The following CACNA1C variants were observed in gnomAD, a reference collection of about 807,000 sequenced individuals.
CACNA1C encodes the protein calcium voltage-gated channel subunit alpha1 C, also known as voltage-dependent L-type calcium channel subunit alpha-1C.
Under a neutral mutation model 229.0 loss-of-function variants are expected in CACNA1C, and 30 were observed. The observed-to-expected ratio is 0.13, with a 90% confidence interval of 0.10 to 0.18. The LOEUF (loss-of-function observed/expected upper bound fraction) is 0.18, where lower values mean the gene tolerates loss of function less well. Ranked by LOEUF, CACNA1C falls within the 10% of genes least tolerant of loss-of-function variation. CACNA1C has a pLI of 1.00. For synonymous variants in CACNA1C, 1,114 were observed against 1,132.5 expected (o/e 0.98, Z 0.33); for missense variants, 1,658 against 2,845.0 (o/e 0.58, Z 9.49).
chr12:2,359,134 A>C (rs2097482174), intron 3 of CACNA1C, among the ~76,000 whole-genome samples: 1 of 152,128 alleles, frequency 6.6e-6, no homozygotes, highest in Non-Finnish European at 1.5e-5. Context: ...AACAGATACC[A>C]TTGTCAGCAG....
At chr12:2,487,094 A>C (rs1332307964) in intron 6 of CACNA1C, among the ~76,000 whole-genome samples, 6 of 152,220 alleles carry the variant, frequency 3.9e-5, no homozygotes, top group Non-Finnish European at 7.3e-5. Flanking sequence ...ACAGAAATTG[A>C]CAAGGCTTTT....
At chr12:2,518,562 C>G (rs1411097570) in intron 9 of CACNA1C, among the ~76,000 whole-genome samples, 1 of 150,738 alleles carries the variant, frequency 6.6e-6, no homozygotes, top group African/African-American at 2.4e-5. Flanking sequence ...GAGCCGAGAT[C>G]GCGCCACTGC....
At chr12:2,249,714 A>G (rs567780320) in intron 3 of CACNA1C, among the ~76,000 whole-genome samples, 3 of 151,226 alleles carry the variant, frequency 2.0e-5, no homozygotes, top group Non-Finnish European at 4.4e-5. Context: ...CCTAAAATCT[A>G]GTCTAGGGCT....
chr12:2,619,206 A>G (rs751310883), intron 29 of CACNA1C, among the ~76,000 whole-genome samples: 2 of 152,130 alleles, frequency 1.3e-5, no homozygotes, highest in Admixed American at 6.5e-5. Context: ...TGTTCCTTCC[A>G]TGTCTGTTTC....
intron 9 of CACNA1C, among the ~76,000 whole-genome samples, chr12:2,519,194 G>A (rs2099804534): frequency 6.6e-6 from 1 of 152,232 alleles, no homozygotes; most frequent in Non-Finnish European, 1.5e-5. Context: ...GGGCTACACT[G>A]AGAGGTCCTT....
At chr12:1,991,022 A>T (rs2039267318) in intron 1 of CACNA1C, 1 of 424,458 alleles carries the variant, frequency 2.4e-6, no homozygotes, top group African/African-American at 2.1e-5. Context: ...CAGAAAAGTA[A>T]ATAGATCCAT....
At chr12:2,425,687 G>A (rs1177507052) in intron 3 of CACNA1C, among the ~76,000 whole-genome samples, 2 of 152,102 alleles carry the variant, frequency 1.3e-5, no homozygotes, top group Non-Finnish European at 2.9e-5. Flanking sequence ...TTTCCAGCCT[G>A]GGCTTCATGC....
At chr12:2,392,093 T>A (rs1437657188) in intron 3 of CACNA1C, among the ~76,000 whole-genome samples, 1 of 152,242 alleles carries the variant, frequency 6.6e-6, no homozygotes, top group African/African-American at 2.4e-5. Flanking sequence ...AACCTAGTTC[T>A]GAGGTGAAGA....
At chr12:2,624,922 C>G (rs1448524074) in intron 29 of CACNA1C, among the ~76,000 whole-genome samples, 6 of 152,224 alleles carry the variant, frequency 3.9e-5, no homozygotes, top group African/African-American at 1.4e-4. Flanking sequence ...TGCGGCAACT[C>G]TTGCCCCAGC....
rs115432068 is a variant in CACNA1C at position 2,407,920 on chromosome 12, T to C, written c.478-41056T>C. On this transcript the variant is annotated intron_variant, in intron 3 of 46. Coordinates refer to ENST00000399655, the MANE Select transcript of CACNA1C (RefSeq NM_000719.7). ...AAATGTTAGACAATAACTATTCTCC[T>C]CCAGCCAAACACCACAAGAAACACT... Among the ~76,000 whole-genome samples, 432 of 152,330 alleles carry C rather than the reference T, an allele frequency of 2.8e-3. 3 individuals carry two copies. The highest frequency in any genetic ancestry group is 9.8e-3 in the African/African-American group (409 of 41,570).
At chr12:2,385,998 A>G (rs990198246) in intron 3 of CACNA1C, among the ~76,000 whole-genome samples, 1 of 152,204 alleles carries the variant, frequency 6.6e-6, no homozygotes, top group East Asian at 1.9e-4. Context: ...TAAGTACATT[A>G]TGTTAAAAAC....
chr12:2,322,437 C>A (rs1053417238), intron 3 of CACNA1C, among the ~76,000 whole-genome samples: 1 of 152,178 alleles, frequency 6.6e-6, no homozygotes, highest in South Asian at 2.1e-4. Flanking sequence ...CAATGGCCAC[C>A]AGTGGTCATG....
rs1235381456 is a variant in CACNA1C at position 2,632,330 on chromosome 12, T to C, written c.3829-1967T>C. Among the ~76,000 whole-genome samples, 2 of 151,448 alleles carry C rather than the reference T, an allele frequency of 1.3e-5. No homozygotes were observed. Among genetic ancestry groups the C allele is most frequent in the African/African-American group, 2.4e-5 (1 of 41,192 alleles). On this transcript the variant is annotated intron_variant, in intron 29 of 46. Transcript: ENST00000399655. This position sits in a 1 kb window ranked among gnomAD's most constrained non-coding sequence, Gnocchi z 4.1. ...ATGACCGCCTGTAGCTGGGGGTGTA[T>C]GGGGAATATGATCGCCTGTAGCTGG...
chr12:2,456,588 G>A (rs535337844), intron 4 of CACNA1C, among the ~76,000 whole-genome samples: 1 of 152,134 alleles, frequency 6.6e-6, no homozygotes, highest in African/African-American at 2.4e-5. Context: ...TGGGCCCCTG[G>A]CTTACCTGCT....
chr12:2,350,769 C>T (rs1209747380), intron 3 of CACNA1C, among the ~76,000 whole-genome samples: 1 of 152,216 alleles, frequency 6.6e-6, no homozygotes, highest in Non-Finnish European at 1.5e-5. Flanking sequence ...GAGCTCTGCC[C>T]CCTTTCGCAG....
intron 3 of CACNA1C, among the ~76,000 whole-genome samples, chr12:2,373,604 G>A (rs187538227): frequency 6.6e-6 from 1 of 152,302 alleles, no homozygotes; most frequent in East Asian, 1.9e-4. Flanking sequence ...AGGGGCCGCA[G>A]CTGTAGGGCT....
chr12:2,146,016 G>A (rs987335455), intron 3 of CACNA1C, among the ~76,000 whole-genome samples: 1 of 151,286 alleles, frequency 6.6e-6, no homozygotes, highest in African/African-American at 2.4e-5. Flanking sequence ...TAGAGATAAT[G>A]TTTTTAAAAG....
At chr12:1,982,783 G>A (rs2036531571) in intron 1 of CACNA1C, among the ~76,000 whole-genome samples, 1 of 152,040 alleles carries the variant, frequency 6.6e-6, no homozygotes, top group Admixed American at 6.6e-5. Context: ...TTTGGTATCA[G>A]GATAATGCTG....
chr12:2,263,108 T>C (rs955976876), intron 3 of CACNA1C, among the ~76,000 whole-genome samples: 1 of 152,212 alleles, frequency 6.6e-6, no homozygotes, highest in African/African-American at 2.4e-5. Context: ...AAGGTGTTAC[T>C]GTGAAGATAA....
Sources: gnomAD v4.1 joint callset for allele counts (sites outside exome capture counted in the v4.1 genomes callset) on GRCh38, gnomAD v4.1.1 for gene constraint, Gnocchi (gnomAD v3.1) non-coding constraint, MANE v1.5 for transcripts, NCBI Gene and HGNC (gene_info 2026-07-23, HGNC 2026-07-21) for gene names.